The following ADGRF1 variants were observed in gnomAD, a reference collection of about 807,000 sequenced individuals.
ADGRF1 encodes G protein-coupled receptor 110.
In ADGRF1, 85 loss-of-function variants were observed where a neutral mutation model predicts 87.2. The ratio of observed to expected loss-of-function variants is 0.97; its 90% CI spans 0.82 to 1.17. The LOEUF (loss-of-function observed/expected upper bound fraction) is 1.17. Among genes scored for constraint, ADGRF1 ranks in the 50% most tolerant of loss-of-function variants. ADGRF1 has a pLI of 0.00. For missense variants in ADGRF1, 1,169 were observed against 1,077.2 expected (o/e 1.09, Z -1.19); for synonymous variants, 430 against 408.8 (o/e 1.05, Z -0.63).
intron 9 of ADGRF1, chr6:47,012,807 T>C (rs1299741885): frequency 2.0e-6 from 2 of 980,118 alleles, no homozygotes; most frequent in South Asian, 9.4e-5. Context: ...TCTTGCTCTG[T>C]CAGCCAGGCT....
At chr6:47,024,278 C>A in intron 4 of ADGRF1, 61 bp from the exon 5 acceptor site, 1 of 1,182,386 alleles carries the variant, frequency 8.5e-7, no homozygotes, top group Non-Finnish European at 1.2e-6. Flanking sequence ...TACTGCTGAG[C>A]AGTGATTTTA....
Position 47,000,292 on chromosome 6 carries a change from T to C in ADGRF1, c.2663A>G (p.His888Arg), listed in dbSNP as rs764023177. 1 of 1,591,026 alleles carries C rather than the reference T, an allele frequency of 6.3e-7. No homozygotes were observed. Among genetic ancestry groups the C allele is most frequent in the Non-Finnish European group, 8.6e-7 (1 of 1,163,834 alleles). ...KPFNPLQNKG[H>R]YAFSHTGDSS... Reference sequence around the variant, plus strand: ...ATCTCCAGTATGAGAAAATGCATAATGGCCTGAAGGGGAAAAAAAAAGGAA... The same window carrying C: ...ATCTCCAGTATGAGAAAATGCATAACGGCCTGAAGGGGAAAAAAAAAGGAA... The change falls in exon 15 of 15, where the codon CAT (histidine) becomes CGT (arginine). Residue 888 changes from histidine to arginine, a missense_variant. Physicochemically the swap from His to Arg is conservative, Grantham distance 29. Transcript: ENST00000371253.
intron 9 of ADGRF1, chr6:47,012,621 CG>C: frequency 1.0e-6 from 1 of 985,174 alleles, no homozygotes; most frequent in South Asian, 4.5e-5. Context: ...GAGCACTCAG[CG>C]GAAAATGTTA....
chr6:47,024,542 G>A lies in ADGRF1; in HGVS notation c.278-325C>T, dbSNP rs193090418. 8.2e-3 allele frequency among the ~76,000 whole-genome samples: 1,244 copies of A among 152,278 alleles called. 11 individuals carry two copies. The highest frequency in any genetic ancestry group is 0.011 in the Non-Finnish European group (775 of 68,026). ...TTGGCCAGGCTGGTCTTGAACTCCT[G>A]AGCTCAAGTGATCTGCCCGCCTTGG... is the stretch of plus-strand genomic sequence containing the variant. On this transcript the variant is annotated intron_variant, in intron 4 of 14. Coordinates refer to ENST00000371253, the MANE Select transcript of ADGRF1 (RefSeq NM_153840.4).
In ADGRF1 at chr6:47,010,185, G is replaced by C; in HGVS notation, c.1250C>G (p.Pro417Arg). ...TLENISTLVPPTALPLNFSRK... is the reference protein window; with the variant it reads ...TLENISTLVPRTALPLNFSRK... ...AGAAAAATTCAGAGGAAGAGCTGTC[G>C]GAGGCACCAGAGTGCTGATGTTTTC... The change falls in exon 11 of 15, where the codon CCG becomes CGG. Residue 417 changes from proline (P) to arginine (R), a missense_variant. Physicochemically the swap from Pro to Arg is moderately radical, Grantham distance 103 (BLOSUM62 -2). Transcript: ENST00000371253. The C allele has an allele frequency of 6.2e-7, 1 of 1,614,052 alleles. No homozygotes were observed.
At position 47,010,336 on chromosome 6, in the gene ADGRF1, G is replaced by A; in HGVS notation, c.1117-18C>T. The A allele has an allele frequency of 3.8e-6, 6 of 1,568,560 alleles. No homozygotes were observed. Among genetic ancestry groups the A allele is most frequent in the Non-Finnish European group, 5.2e-6 (6 of 1,157,642 alleles). On this transcript the variant is annotated intron_variant, in intron 10 of 14. Coordinates refer to ENST00000371253, the MANE Select transcript of ADGRF1 (RefSeq NM_153840.4). ...ATGACATCCTGAAACACAAGGATGA[G>A]AGTCAGTTTGTGTTTTTGAGTAAAC...
chr6:47,037,601 C>A (rs1780623195), intron 1 of ADGRF1, among the ~76,000 whole-genome samples: 1 of 152,022 alleles, frequency 6.6e-6, no homozygotes, highest in African/African-American at 2.4e-5. Flanking sequence ...CCATCCTGGG[C>A]TCAAATGATC....
At position 47,009,751 on chromosome 6, in the gene ADGRF1, G is replaced by A; in HGVS notation, c.1684C>T (p.Gln562Ter). 6.2e-7 allele frequency: 1 copy of A among 1,614,168 alleles called. No individual in the cohort carries two copies. The highest frequency in any genetic ancestry group is 8.5e-7 in the Non-Finnish European group (1 of 1,180,002). Residue 562 changes from glutamine (Q) to a stop codon, truncating the protein, a stop_gained, in exon 11 of 15, where the codon CAA becomes TAA. Coordinates refer to ENST00000371253, the MANE Select transcript of ADGRF1 (RefSeq NM_153840.4). LOFTEE classifies it high-confidence loss of function. Reference protein sequence around the residue: ...VNETQDIVTCQCTHLTSFSIL... With the variant: ...VNETQDIVTC Reference sequence around the variant, plus strand: ...GAGAAGGAGGTCAAGTGAGTACATTGGCACGTCACGATGTCTTGAGTTTCA... The same window carrying A: ...GAGAAGGAGGTCAAGTGAGTACATTAGCACGTCACGATGTCTTGAGTTTCA...
At chr6:47,022,132 A>C (rs1780077950) in intron 5 of ADGRF1, 74 bp from the exon 6 acceptor site, 3 of 851,550 alleles carry the variant, frequency 3.5e-6, no homozygotes, top group Non-Finnish European at 5.6e-6. Context: ...ACAATTATAG[A>C]AGTACAATTC....
rs537621242 is a variant in ADGRF1 at position 47,042,010 on chromosome 6, A to T, written c.-44+181T>A. ...CATTATAGTTAGTAAGCGGGTTGAA[A>T]TCTGTTGTTTCTGCTCATTGCTTTT... is the stretch of plus-strand genomic sequence containing the variant. On this transcript the variant is annotated intron_variant, in intron 1 of 14. Transcript: ENST00000371253. 9.9e-5 allele frequency among the ~76,000 whole-genome samples: 15 copies of T among 152,266 alleles called. No individual in the cohort carries two copies. In the South Asian group the frequency reaches 2.9e-3, roughly 29 times the overall value.
intron 1 of ADGRF1, among the ~76,000 whole-genome samples, chr6:47,041,553 G>T (rs1467618927): frequency 6.6e-6 from 1 of 152,086 alleles, no homozygotes; most frequent in Non-Finnish European, 1.5e-5. Context: ...AAAGAGAAAA[G>T]AAAAATTATA....
intron 9 of ADGRF1, chr6:47,012,695 G>A: frequency 1.0e-6 from 1 of 985,636 alleles, no homozygotes; most frequent in East Asian, 1.1e-4. Flanking sequence ...TGCGTTGTAA[G>A]ATGGGAAGAG....
Position 47,010,190 on chromosome 6 carries a change from C to T in ADGRF1, c.1245G>A (p.Val415=), listed in dbSNP as rs867609672. 1.2e-6 allele frequency: 2 copies of T among 1,614,090 alleles called. No individual in the cohort carries two copies. The highest frequency in any genetic ancestry group is 1.7e-6 in the Non-Finnish European group (2 of 1,180,014). Residue 415 remains valine (V), a synonymous_variant, in exon 11 of 15, where the codon GTG becomes GTA. Transcript: ENST00000371253. ...AATTCAGAGGAAGAGCTGTCGGAGGCACCAGAGTGCTGATGTTTTCTAATG... is the reference window on the plus strand; with the variant it reads ...AATTCAGAGGAAGAGCTGTCGGAGGTACCAGAGTGCTGATGTTTTCTAATG... ...LETLENISTL[V]PPTALPLNFS...
At position 47,024,288 on chromosome 6, in the gene ADGRF1, AT is replaced by A. The variant is rs58441248; in HGVS notation, c.278-72del. 3.3e-3 allele frequency: 3,586 copies of A among 1,071,688 alleles called. 76 individuals carry two copies. The African/African-American group carries it at 0.051, about 15-fold the overall frequency. 66.4% of individuals were successfully genotyped at this position (1,071,688 alleles called of 1,614,324 possible). On this transcript the variant is annotated intron_variant, in intron 4 of 14. Coordinates refer to ENST00000371253, the MANE Select transcript of ADGRF1 (RefSeq NM_153840.4). ...CTGACTACTGCTGAGCAGTGATTTT[AT>A]TTTATATATGTTTATTTTTCAGATT...
intron 1 of ADGRF1, among the ~76,000 whole-genome samples, chr6:47,037,596 C>T (rs921696011): frequency 2.0e-5 from 3 of 152,206 alleles, no homozygotes; most frequent in Non-Finnish European, 2.9e-5. Flanking sequence ...TAGCCCCATC[C>T]TGGGCTCAAA....
rs568877287 is a variant in ADGRF1 at position 47,009,358 on chromosome 6, T to C, written c.2077A>G (p.Met693Val). 3 of 1,614,118 alleles carry C rather than the reference T, an allele frequency of 1.9e-6. No individual in the cohort carries two copies. The highest frequency in any genetic ancestry group is 2.2e-5 in the South Asian group (2 of 91,064). The part of the protein sequence containing the change: ...AYRIILVFHH[M>V]AQHLMMAVGF... ...ACAGCCATCATCAAATGCTGGGCCATGTGATGGAACACGAGGATGATCCGG... is the reference window on the plus strand; with the variant it reads ...ACAGCCATCATCAAATGCTGGGCCACGTGATGGAACACGAGGATGATCCGG... The change falls in exon 11 of 15, where the codon ATG becomes GTG. Residue 693 changes from methionine (M) to valine (V), a missense_variant. By Grantham distance (21) the Met-to-Val change is conservative. Coordinates refer to ENST00000371253, the MANE Select transcript of ADGRF1 (RefSeq NM_153840.4).
chr6:47,009,453 A>T lies in ADGRF1; in HGVS notation c.1982T>A (p.Val661Glu). 6.2e-7 allele frequency: 1 copy of T among 1,613,944 alleles called. No individual in the cohort carries two copies. The highest frequency in any genetic ancestry group is 8.5e-7 in the Non-Finnish European group (1 of 1,179,938). The change falls in exon 11 of 15, where the codon GTG (valine) becomes GAG (glutamate). Residue 661 changes from valine to glutamate, a missense_variant. Coordinates refer to ENST00000371253, the MANE Select transcript of ADGRF1 (RefSeq NM_153840.4). ...GAGGTAGAAGAAGTGTGTAAAGAAC[A>T]CAGCAGCTGTGCAGACTCCAGAAGG... ...VNPSGVCTAA[V>E]FFTHFFYLSL... is the part of the protein sequence containing the mutation.
rs182476385 is a variant in ADGRF1, at chr6:47,000,261, G to A, written c.2694C>T (p.Ser898=). 50 of 1,605,826 alleles carry A rather than the reference G, an allele frequency of 3.1e-5. No homozygotes were observed. Among genetic ancestry groups the A allele is most frequent in the South Asian group, 2.6e-4 (23 of 90,076 alleles). ...HYAFSHTGDS[S]DNIMLTQFVS... Reference sequence around the variant, plus strand: ...CAAACTGAGTTAGCATGATGTTGTCGGAGGAATCTCCAGTATGAGAAAATG... The same window carrying A: ...CAAACTGAGTTAGCATGATGTTGTCAGAGGAATCTCCAGTATGAGAAAATG... Residue 898 remains serine (S), a synonymous_variant, in exon 15 of 15, where the codon TCC becomes TCT. Transcript: ENST00000371253.
At chr6:47,022,797 C>CTTTTTTCTTTTTTTTTTTTTT (rs1780100163) in intron 5 of ADGRF1, among the ~76,000 whole-genome samples, 2 of 135,030 alleles carry the variant, frequency 1.5e-5, no homozygotes, top group African/African-American at 3.0e-5. Flanking sequence ...TCTTTCTTTT[C>CTTTTTTCTTTTTTTTTTTTTT]TTTTTTCTTT....
Sources: allele counts gnomAD v4.1 joint callset (sites outside exome capture counted in the v4.1 genomes callset), GRCh38; gene constraint gnomAD v4.1.1; transcripts MANE v1.5; gene names NCBI Gene and HGNC (gene_info 2026-07-23, HGNC 2026-07-21).